Variants in SOX6 observed in about 807,000 individuals in gnomAD.
SOX6 encodes SRY-box transcription factor 6.
Under a neutral mutation model 97.8 loss-of-function variants are expected in SOX6, and 11 were observed. That is an observed-to-expected ratio of 0.11 (90% confidence interval 0.07 to 0.19). The LOEUF (loss-of-function observed/expected upper bound fraction) is 0.19, where lower values mean the gene tolerates loss of function less well. SOX6 is among the 10% of genes least tolerant of loss of function. SOX6 has a pLI of 1.00. For missense variants in SOX6, 810 were observed against 1,039.5 expected (o/e 0.78, Z 3.04); for synonymous variants, 360 against 371.4 (o/e 0.97, Z 0.35).
At chr11:16,090,672 G>C (rs1348819175) in intron 9 of SOX6, among the ~76,000 whole-genome samples, 1 of 151,912 alleles carries the variant, frequency 6.6e-6, no homozygotes, top group Admixed American at 6.6e-5. Context: ...TTGGGTCCCA[G>C]ATGTCCACCA....
At chr11:16,524,375 A>C (rs953215209) in intron 4 of SOX6, among the ~76,000 whole-genome samples, 3 of 151,894 alleles carry the variant, frequency 2.0e-5, no homozygotes, top group African/African-American at 7.3e-5. Context: ...CAAAGACAAA[A>C]ACTACATGAT....
intron 5 of SOX6, 122 bp downstream of exon 5, chr11:16,186,661 T>C: frequency 7.8e-7 from 1 of 1,276,786 alleles, no homozygotes; most frequent in Non-Finnish European, 1.1e-6. Context: ...TTTTCCATCT[T>C]TTCTTATTTT....
At chr11:16,512,060 C>A (rs1163334683) in intron 4 of SOX6, among the ~76,000 whole-genome samples, 3 of 152,052 alleles carry the variant, frequency 2.0e-5, no homozygotes, top group African/African-American at 4.8e-5. Context: ...TTTGTCCCAA[C>A]TTCCATGAAT....
At chr11:16,234,738 G>T in intron 3 of SOX6, 67 bp from the exon 4 acceptor site, 1 of 948,956 alleles carries the variant, frequency 1.1e-6, no homozygotes, top group Non-Finnish European at 1.5e-6. Flanking sequence ...TCAGTTTATG[G>T]GGAAATTCTC....
Position 16,707,200 on chromosome 11 carries a change from ATAAAT to A in SOX6, n.429+7625_429+7629del, listed in dbSNP as rs1286984984. ...GCAAAGAAGCAGTGTTTTATTTAAA[ATAAAT>A]TAGTCAGTTTTTCCATTTTCTCTTT... On this transcript the variant is annotated intron_variant and non_coding_transcript_variant, in intron 3 of 5. Coordinates refer to the SOX6 transcript ENST00000524520. 3.3e-5 allele frequency among the ~76,000 whole-genome samples: 5 copies of A among 152,352 alleles called. No homozygotes were observed. The East Asian group carries it at 5.8e-4, about 18-fold the overall frequency.
chr11:16,186,599 T>C (rs567528036), intron 5 of SOX6, among the ~76,000 whole-genome samples, 184 bp downstream of exon 5: 3 of 152,270 alleles, frequency 2.0e-5, no homozygotes, highest in African/African-American at 7.2e-5. Flanking sequence ...TTTGTACACA[T>C]ATTCCCTCAA....
chr11:16,691,973 G>A (rs1848016297), intron 3 of SOX6, among the ~76,000 whole-genome samples: 2 of 151,764 alleles, frequency 1.3e-5, no homozygotes, highest in African/African-American at 4.8e-5. Flanking sequence ...CCCTGTTTAG[G>A]TTGTCCGTCT....
chr11:16,187,488 G>A (rs1414134192), intron 4 of SOX6, among the ~76,000 whole-genome samples: 1 of 152,026 alleles, frequency 6.6e-6, no homozygotes, highest in African/African-American at 2.4e-5. Context: ...TGGCCATAGA[G>A]AGAATACTAC....
At chr11:16,641,454 A>G (rs1848912197) in intron 3 of SOX6, among the ~76,000 whole-genome samples, 1 of 152,008 alleles carries the variant, frequency 6.6e-6, no homozygotes, top group African/African-American at 2.4e-5. Context: ...CAATTCCTGG[A>G]TATCCTTGTT....
At chr11:16,532,661 A>G (rs2133170614) in intron 4 of SOX6, among the ~76,000 whole-genome samples, 1 of 152,074 alleles carries the variant, frequency 6.6e-6, no homozygotes, top group South Asian at 2.1e-4. Context: ...AAACAGACCT[A>G]GTCATAATAT....
chr11:16,737,381 A>G (rs1376819601), intron 1 of SOX6, among the ~76,000 whole-genome samples: 3 of 151,780 alleles, frequency 2.0e-5, no homozygotes, highest in Non-Finnish European at 4.4e-5. Flanking sequence ...TAATTTTTGT[A>G]TTTTTAGTAG....
At chr11:16,017,812 C>A (rs1854933368) in intron 12 of SOX6, among the ~76,000 whole-genome samples, 1 of 152,064 alleles carries the variant, frequency 6.6e-6, no homozygotes, top group Admixed American at 6.6e-5. Context: ...CAAATTTCCA[C>A]ACACTTGAAC....
At chr11:16,506,803 C>T (rs1285898399) in intron 4 of SOX6, among the ~76,000 whole-genome samples, 2 of 152,184 alleles carry the variant, frequency 1.3e-5, no homozygotes, top group Non-Finnish European at 2.9e-5. Context: ...GTAGCTCACA[C>T]CCATAATCCC....
intron 2 of SOX6, among the ~76,000 whole-genome samples, chr11:16,327,206 G>A (rs1856124967): frequency 6.6e-6 from 1 of 152,092 alleles, no homozygotes; most frequent in African/African-American, 2.4e-5. Flanking sequence ...ATTTTTATAG[G>A]ATAGAGCTAT....
At chr11:16,187,878 C>G (rs1003764628) in intron 4 of SOX6, among the ~76,000 whole-genome samples, 1 of 152,072 alleles carries the variant, frequency 6.6e-6, no homozygotes, top group Non-Finnish European at 1.5e-5. Context: ...TGTATCTGAA[C>G]CACACAGATT....
intron 2 of SOX6, among the ~76,000 whole-genome samples, chr11:16,338,250 A>G (rs1856526108): frequency 6.6e-6 from 1 of 152,076 alleles, no homozygotes; most frequent in Non-Finnish European, 1.5e-5. Flanking sequence ...TACAAGTTTT[A>G]CTTGATTTCA....
At chr11:16,026,585 ACTG>A (rs1855222279) in intron 12 of SOX6, among the ~76,000 whole-genome samples, 1 of 152,190 alleles carries the variant, frequency 6.6e-6, no homozygotes, top group Non-Finnish European at 1.5e-5. Context: ...AAATGCAAAG[ACTG>A]CTGCTAAGAA....
At chr11:16,282,244 TC>T (rs1709983803) in intron 3 of SOX6, among the ~76,000 whole-genome samples, 1 of 150,896 alleles carries the variant, frequency 6.6e-6, no homozygotes, top group Non-Finnish European at 1.5e-5. Flanking sequence ...ATCAAATAAT[TC>T]TTATACTAAA....
At chr11:16,334,363 A>G (rs1590134150) in intron 2 of SOX6, among the ~76,000 whole-genome samples, 1 of 152,074 alleles carries the variant, frequency 6.6e-6, no homozygotes, top group Non-Finnish European at 1.5e-5. Context: ...GTTAATCAGC[A>G]TGCATACCTG....
Sources: gnomAD v4.1 joint callset for allele counts (sites outside exome capture counted in the v4.1 genomes callset) on GRCh38, gnomAD v4.1.1 for gene constraint, MANE v1.5 for transcripts, NCBI Gene and HGNC (gene_info 2026-07-23, HGNC 2026-07-21) for gene names.